The following TBC1D14 variants were observed in gnomAD, a reference collection of about 807,000 sequenced individuals.
TBC1D14 encodes the protein TBC1 domain family member 14.
Under a neutral mutation model 79.0 loss-of-function variants are expected in TBC1D14, and 26 were observed. That is an observed-to-expected ratio of 0.33 (90% CI 0.24 to 0.46). The LOEUF is 0.46. TBC1D14 is among the 20% of genes least tolerant of loss of function. The pLI, the probability that TBC1D14 is intolerant of heterozygous loss-of-function variation, is 1.00. For synonymous variants in TBC1D14, 394 were observed against 349.9 expected (o/e 1.13, Z -1.40); for missense variants, 769 against 887.6 (o/e 0.87, Z 1.70).
At chr4:6,936,423 T>A (rs964620906) in intron 2 of TBC1D14, among the ~76,000 whole-genome samples, 1 of 152,264 alleles carries the variant, frequency 6.6e-6, no homozygotes, top group Non-Finnish European at 1.5e-5. Flanking sequence ...TGGCTTCTTT[T>A]ACTTAGTAAT....
chr4:6,932,050 A>G (rs1426258638), intron 2 of TBC1D14, among the ~76,000 whole-genome samples: 1 of 152,038 alleles, frequency 6.6e-6, no homozygotes, highest in East Asian at 1.9e-4. Context: ...CTGAAGGAGA[A>G]GAAGAGATTG....
chr4:6,969,357 TAATATC>T (rs934169122), intron 3 of TBC1D14, among the ~76,000 whole-genome samples: 96 of 152,308 alleles, frequency 6.3e-4, no homozygotes, highest in African/African-American at 2.2e-3. Flanking sequence ...CCATGGCACT[TAATATC>T]ACTTACATAA....
chr4:7,010,148 A>G (rs927591512), intron 10 of TBC1D14, among the ~76,000 whole-genome samples, 200 bp downstream of exon 10: 2 of 152,214 alleles, frequency 1.3e-5, no homozygotes, highest in Admixed American at 6.5e-5. Flanking sequence ...GCTCTGGGGC[A>G]TTAATCACAT....
chr4:6,927,359 G>C (rs78799784), intron 2 of TBC1D14, among the ~76,000 whole-genome samples: 2 of 152,154 alleles, frequency 1.3e-5, no homozygotes, highest in South Asian at 2.1e-4. Flanking sequence ...TGGGTTTCTC[G>C]TGAGTCCTCC....
At chr4:6,930,181 C>T (rs1711597923) in intron 2 of TBC1D14, among the ~76,000 whole-genome samples, 1 of 152,166 alleles carries the variant, frequency 6.6e-6, no homozygotes, top group Non-Finnish European at 1.5e-5. Flanking sequence ...AGCTGGGTGG[C>T]GTCTGTCCGG....
intron 12 of TBC1D14, among the ~76,000 whole-genome samples, chr4:7,020,711 C>G (rs1036348505): frequency 3.9e-5 from 6 of 152,072 alleles, no homozygotes; most frequent in African/African-American, 1.4e-4. Flanking sequence ...GTTTTGTTTT[C>G]TTTTCTTTTT....
At chr4:6,968,022 C>T (rs1253575869) in intron 3 of TBC1D14, among the ~76,000 whole-genome samples, 9 of 152,168 alleles carry the variant, frequency 5.9e-5, no homozygotes, top group African/African-American at 1.4e-4. Flanking sequence ...AGCAAGTCCA[C>T]GGCCCAGGTA....
chr4:7,000,879 A>G (rs16839511), intron 6 of TBC1D14, among the ~76,000 whole-genome samples: 2 of 152,106 alleles, frequency 1.3e-5, no homozygotes, highest in African/African-American at 4.8e-5. Flanking sequence ...GGTCATTCAG[A>G]ACTTGGCCCC....
intron 12 of TBC1D14, among the ~76,000 whole-genome samples, chr4:7,017,186 G>T (rs1408207455): frequency 1.3e-5 from 2 of 152,180 alleles, no homozygotes; most frequent in Non-Finnish European, 2.9e-5. Context: ...TGTAATCCCA[G>T]CTACTTAGGA....
rs543146686 is a variant in TBC1D14 at position 6,944,634 on chromosome 4, G to A, written c.722+20523G>A. ...TCCAAGCAGTGGCTGATGGGCGGTT[G>A]GAATTCACCATGGCTCTGGCCTCTG... On this transcript the variant is annotated intron_variant, in intron 2 of 13. Transcript: ENST00000409757. 6.6e-5 allele frequency among the ~76,000 whole-genome samples: 10 copies of A among 152,340 alleles called. No individual in the cohort carries two copies. The South Asian group carries it at 2.1e-3, about 32-fold the overall frequency.
In TBC1D14 at chr4:6,985,131, A is replaced by G. The variant is rs114697367; in HGVS notation, c.844-9053A>G. Among the ~76,000 whole-genome samples the G allele has an allele frequency of 4.2e-3, 637 of 152,348 alleles. 5 individuals are homozygous for G. Among genetic ancestry groups the G allele is most frequent in the African/African-American group, 0.014 (583 of 41,580 alleles). ...TTTAAAAAATTGAACCATTTGCAGT[A>G]TTATGACATCTTACTGCTAAATACT... On this transcript the variant is annotated intron_variant, in intron 3 of 13. Transcript: ENST00000409757.
At chr4:6,938,027 C>G (rs1278358046) in intron 2 of TBC1D14, among the ~76,000 whole-genome samples, 2 of 152,074 alleles carry the variant, frequency 1.3e-5, no homozygotes, top group Middle Eastern at 3.2e-3. Context: ...GGTCTTCATT[C>G]CACTCCTCCC....
intron 12 of TBC1D14, among the ~76,000 whole-genome samples, chr4:7,020,394 C>G (rs1490441117): frequency 6.6e-6 from 1 of 152,100 alleles, no homozygotes; most frequent in African/African-American, 2.4e-5. Context: ...CAGTAGTAAC[C>G]CTGTTCTTAC....
chr4:6,975,122 C>G (rs1198118260), intron 3 of TBC1D14, among the ~76,000 whole-genome samples: 2 of 152,114 alleles, frequency 1.3e-5, no homozygotes, highest in Admixed American at 1.3e-4. Flanking sequence ...CTATGTTGGC[C>G]AGGCTGGTTT....
chr4:7,013,353 C>T (rs1356427772), intron 11 of TBC1D14, among the ~76,000 whole-genome samples: 1 of 152,240 alleles, frequency 6.6e-6, no homozygotes, highest in East Asian at 1.9e-4. Flanking sequence ...TGGGAGCCAC[C>T]GTCTACAGTA....
At chr4:6,920,633 G>T (rs957390590) in intron 1 of TBC1D14, among the ~76,000 whole-genome samples, 19 of 152,314 alleles carry the variant, frequency 1.2e-4, no homozygotes, top group African/African-American at 4.6e-4. Flanking sequence ...CAAAGTGCCT[G>T]TTGGGGGTCA....
At chr4:6,989,658 T>C (rs1442201144) in intron 3 of TBC1D14, among the ~76,000 whole-genome samples, 6 of 152,194 alleles carry the variant, frequency 3.9e-5, no homozygotes, top group African/African-American at 1.4e-4. Flanking sequence ...ATTGAGGATC[T>C]CCTAAACTGC....
intron 13 of TBC1D14, among the ~76,000 whole-genome samples, chr4:7,026,281 C>T (rs1228202834): frequency 6.6e-6 from 1 of 152,156 alleles, no homozygotes; most frequent in African/African-American, 2.4e-5. Flanking sequence ...GGAGCTGCCT[C>T]CCACCTCTCC....
chr4:7,009,730 A>T, intron 9 of TBC1D14, 147 bp from the exon 10 acceptor site: 1 of 798,990 alleles, frequency 1.3e-6, no homozygotes, highest in South Asian at 1.6e-5. Flanking sequence ...TTCCATATGC[A>T]TATAGAGCTG....
Sources: allele counts gnomAD v4.1 joint callset (sites outside exome capture counted in the v4.1 genomes callset), GRCh38; gene constraint gnomAD v4.1.1; transcripts MANE v1.5; gene names NCBI Gene and HGNC (gene_info 2026-07-23, HGNC 2026-07-21).